The following TACC2 variants were observed in gnomAD, a reference collection of about 807,000 sequenced individuals.
The protein encoded by TACC2 is transforming acidic coiled-coil-containing protein 2.
In TACC2, 137 loss-of-function variants were observed where a neutral mutation model predicts 227.3. The observed-to-expected ratio is 0.60, with a 90% CI of 0.52 to 0.69. TACC2 has a LOEUF of 0.69. Ranked by LOEUF, TACC2 falls within the 30% of genes least tolerant of loss-of-function variation. TACC2 has a pLI of 0.00. For missense variants in TACC2, 3,470 were observed against 3,694.4 expected (o/e 0.94, Z 1.57); for synonymous variants, 1,523 against 1,487.5 (o/e 1.02, Z -0.55).
intron 16 of TACC2, among the ~76,000 whole-genome samples, chr10:122,232,046 A>G (rs1049458271): frequency 6.6e-6 from 1 of 152,226 alleles, no homozygotes; most frequent in Non-Finnish European, 1.5e-5. Flanking sequence ...GGGTGCTTAC[A>G]CTGTGGGTGT....
chr10:122,062,402 G>A (rs11599185), intron 3 of TACC2, among the ~76,000 whole-genome samples: 32,007 of 150,920 alleles, frequency 0.21, 3,528 homozygotes, highest in East Asian at 0.29. Flanking sequence ...CACCTCCCGG[G>A]TTCAAGTGAT....
chr10:122,252,784 C>T lies in TACC2; in HGVS notation c.8782-1207C>T, dbSNP rs188981441. Among the ~76,000 whole-genome samples, 686 of 152,284 alleles carry T rather than the reference C, an allele frequency of 4.5e-3. 3 individuals are homozygous for T. Among genetic ancestry groups the T allele is most frequent in the Middle Eastern group, 0.01 (3 of 294 alleles). ...CTGGGATTGCAGGCGTGAGCCACCA[C>T]GCCCGGCCAATAATAGTAATTTTAA... On this transcript the variant is annotated intron_variant, in intron 22 of 22. Transcript: ENST00000369005.
At chr10:122,066,654 C>T (rs768060194) in intron 3 of TACC2, among the ~76,000 whole-genome samples, 8 of 152,058 alleles carry the variant, frequency 5.3e-5, no homozygotes, top group South Asian at 2.1e-4. Context: ...CTGCCTGCCT[C>T]GGCCTCCCAA....
At chr10:122,143,147 C>T (rs1289139746) in intron 6 of TACC2, among the ~76,000 whole-genome samples, 3 of 152,206 alleles carry the variant, frequency 2.0e-5, no homozygotes, top group Non-Finnish European at 2.9e-5. Flanking sequence ...TTGGGATTTG[C>T]GGGCAAAGCC....
At chr10:122,202,023 T>A (rs1206871985) in intron 8 of TACC2, among the ~76,000 whole-genome samples, 1 of 151,630 alleles carries the variant, frequency 6.6e-6, no homozygotes, top group Non-Finnish European at 1.5e-5. Flanking sequence ...CTTTTTTTTT[T>A]TTTTTTTTTT....
intron 19 of TACC2, chr10:122,244,982 TC>T (rs1406671124): frequency 6.6e-6 from 1 of 152,254 alleles, no homozygotes; most frequent in African/African-American, 2.4e-5. Flanking sequence ...TTGATTTTTT[TC>T]TGCTTTTCTA....
At position 122,085,873 on chromosome 10, in the gene TACC2, G is replaced by C; in HGVS notation, c.3373G>C (p.Gly1125Arg). 6.2e-7 allele frequency: 1 copy of C among 1,613,308 alleles called. No individual in the cohort carries two copies. Residue 1125 changes from glycine to arginine, a missense_variant, in exon 4 of 23, where the codon GGT becomes CGT. Around this residue, in one of 10 missense-constraint regions of TACC2, gnomAD observed 1,924 missense variants for 1,978.3 expected, o/e 0.97. Transcript: ENST00000369005. ...ASFPSAGEQG[G>R]EAGAAETGGS... Reference sequence around the variant, plus strand: ...TTTCCCATCAGCTGGGGAGCAAGGTGGTGAAGCCGGGGCTGCTGAGACTGG... The same window carrying C: ...TTTCCCATCAGCTGGGGAGCAAGGTCGTGAAGCCGGGGCTGCTGAGACTGG...
intron 5 of TACC2, among the ~76,000 whole-genome samples, chr10:122,091,350 C>G (rs1470528410): frequency 1.3e-5 from 2 of 152,092 alleles, no homozygotes; most frequent in Non-Finnish European, 2.9e-5. Flanking sequence ...AAATGTATTA[C>G]TAAAATCAAC....
At chr10:122,178,442 G>A (rs2140228143) in intron 7 of TACC2, among the ~76,000 whole-genome samples, 1 of 152,078 alleles carries the variant, frequency 6.6e-6, no homozygotes, top group African/African-American at 2.4e-5. Flanking sequence ...TCCTCATGTT[G>A]GTCAGGCTGC....
chr10:122,091,691 A>G (rs2080838852), intron 5 of TACC2, among the ~76,000 whole-genome samples: 1 of 152,030 alleles, frequency 6.6e-6, no homozygotes, highest in African/African-American at 2.4e-5. Context: ...ACCATGAGGA[A>G]GCCGTGCACG....
rs778926377 is a variant in TACC2, at chr10:122,085,005, A to C, written c.2505A>C (p.Ala835=). 1 of 1,614,148 alleles carries C rather than the reference A, an allele frequency of 6.2e-7. No homozygotes were observed. The highest frequency in any genetic ancestry group is 2.2e-5 in the East Asian group (1 of 44,872). Residue 835 remains alanine (A), a synonymous_variant, in exon 4 of 23, where the codon GCA becomes GCC. Coordinates refer to ENST00000369005, the MANE Select transcript of TACC2 (RefSeq NM_206862.4). The part of the protein sequence containing the change: ...SSEKHLQPSQ[A]QPETSIFDVL... ...AGAAGCATCTCCAGCCATCCCAGGC[A>C]CAACCAGAGACATCCATCTTTGACG...
In TACC2 at chr10:122,212,687, G is replaced by C. The variant is rs117876085; in HGVS notation, c.7283+979G>C. On this transcript the variant is annotated intron_variant, in intron 9 of 22. Transcript: ENST00000369005. ...ACGACATGTTTACCTCCCATTCTGG[G>C]CTCCCCCTAACATTGAATTTCTGAG... Among the ~76,000 whole-genome samples the C allele has an allele frequency of 1.1e-3, 171 of 152,258 alleles. 6 individuals carry two copies. The East Asian group carries it at 0.031, about 28-fold the overall frequency.
chr10:122,052,638 G>T (rs930294527), intron 3 of TACC2: 5 of 143,932 alleles, frequency 3.5e-5, no homozygotes, highest in Admixed American at 2.9e-4. Context: ...AGCCGAGATC[G>T]TACCACTGCG....
intron 7 of TACC2, among the ~76,000 whole-genome samples, chr10:122,189,842 C>T (rs2094347414): frequency 6.6e-6 from 1 of 152,188 alleles, no homozygotes; most frequent in African/African-American, 2.4e-5. Context: ...TATGGAATTT[C>T]CAGCTCTAGC....
At chr10:122,196,593 T>C (rs1214446281) in intron 8 of TACC2, among the ~76,000 whole-genome samples, 6 of 152,200 alleles carry the variant, frequency 3.9e-5, no homozygotes, top group Non-Finnish European at 8.8e-5. Context: ...ACTGTATTTC[T>C]CGTAATATTT....
Position 122,164,034 on chromosome 10 carries a change from A to C in TACC2, c.5834+20328A>C, listed in dbSNP as rs928470625. ...GGCCGCCCCGAGTCTCCCGGGGAGG[A>C]GGAGAGGATGCCCGGGCTTTGTTAG... On this transcript the variant is annotated intron_variant, in intron 7 of 22. Coordinates refer to ENST00000369005, the MANE Select transcript of TACC2 (RefSeq NM_206862.4). The C allele has an allele frequency of 9.7e-6, 15 of 1,553,866 alleles. No homozygotes were observed. In the African/African-American group the frequency reaches 1.6e-4, roughly 17 times the overall value.
At chr10:122,164,443 G>C (rs1234187074) in intron 7 of TACC2, among the ~76,000 whole-genome samples, 1 of 152,230 alleles carries the variant, frequency 6.6e-6, no homozygotes, top group Non-Finnish European at 1.5e-5. Flanking sequence ...TCTGGTGGAC[G>C]TTCCGTCTAG....
intron 16 of TACC2, among the ~76,000 whole-genome samples, chr10:122,234,010 G>T (rs1379941067): frequency 1.3e-5 from 2 of 152,204 alleles, no homozygotes; most frequent in African/African-American, 4.8e-5. Context: ...TCCATGCACC[G>T]TGGCCTTGGT....
chr10:122,115,850 A>G (rs756286148), intron 5 of TACC2, among the ~76,000 whole-genome samples: 29 of 152,068 alleles, frequency 1.9e-4, no homozygotes, highest in Non-Finnish European at 3.5e-4. Context: ...GGTCCTTGCA[A>G]CTTTTGCACA....
Sources: allele counts gnomAD v4.1 joint callset (sites outside exome capture counted in the v4.1 genomes callset), GRCh38; gene constraint gnomAD v4.1.1; regional missense constraint gnomAD v4.1.1; transcripts MANE v1.5; gene names NCBI Gene and HGNC (gene_info 2026-07-23, HGNC 2026-07-21).